The following TEX14 variants were observed in gnomAD, a reference collection of about 807,000 sequenced individuals.
TEX14 encodes inactive serine/threonine-protein kinase TEX14.
In TEX14, 168 loss-of-function variants were observed where a neutral mutation model predicts 178.6. That is an observed-to-expected ratio of 0.94 (90% confidence interval 0.83 to 1.07). TEX14 has a LOEUF of 1.07. Among genes scored for constraint, TEX14 ranks in the 50% least tolerant of loss-of-function variants. The pLI is 0.00. For missense variants in TEX14, 1,730 were observed against 1,753.6 expected (o/e 0.99, Z 0.24); for synonymous variants, 626 against 634.1 (o/e 0.99, Z 0.19).
intron 28 of TEX14, among the ~76,000 whole-genome samples, chr17:58,562,290 G>C (rs2044288684): frequency 6.6e-6 from 1 of 152,140 alleles, no homozygotes; most frequent in Non-Finnish European, 1.5e-5. Context: ...GAAAAGGCTA[G>C]AAGATGCAGG....
intron 13 of TEX14, 102 bp downstream of exon 13, chr17:58,601,704 C>A: frequency 8.9e-7 from 1 of 1,121,468 alleles, no homozygotes; most frequent in Non-Finnish European, 1.3e-6. Flanking sequence ...ACAAAACAAA[C>A]AAGTTACATC....
chr17:58,632,367 T>C (rs1244915114), intron 2 of TEX14, among the ~76,000 whole-genome samples: 2 of 152,222 alleles, frequency 1.3e-5, no homozygotes, highest in African/African-American at 4.8e-5. Context: ...GGCATTGCTG[T>C]GTTTATTTTT....
intron 1 of TEX14, among the ~76,000 whole-genome samples, chr17:58,668,741 A>G (rs2047253825): frequency 6.6e-6 from 1 of 152,194 alleles, no homozygotes; most frequent in South Asian, 2.1e-4. Context: ...ACAGAAAATA[A>G]TCTGGATCAC....
chr17:58,615,497 C>A lies in TEX14; in HGVS notation c.768-152G>T, dbSNP rs893196836. On this transcript the variant is annotated intron_variant, in intron 7 of 31. Transcript: ENST00000349033. ...ACTACTGGGTCCTCTCTCCCACTAC[C>A]CACCCCCAGGTACTAAAGCACCCTG... 9.6e-6 allele frequency: 6 copies of A among 626,872 alleles called. No homozygotes were observed. The African/African-American group carries it at 1.1e-4, about 12-fold the overall frequency. The allele number at this position is 626,872 out of a possible 1,614,324, so 38.8% of individuals were successfully genotyped here.
chr17:58,565,865 TTGCGTGTCC>T lies in TEX14; in HGVS notation c.3887-50_3887-42del, dbSNP rs1297230359. ...AGCCAAAGGAAACTTATTTCCTCCCTTGCGTGTCCTGCCGTTCTCTAGAGCAGTGGTTCT... is the reference window on the plus strand; with the variant it reads ...AGCCAAAGGAAACTTATTTCCTCCCTTGCCGTTCTCTAGAGCAGTGGTTCT... On this transcript the variant is annotated intron_variant, in intron 26 of 31. Coordinates refer to ENST00000349033, the MANE Select transcript of TEX14 (RefSeq NM_031272.5). The T allele has an allele frequency of 2.0e-6, 3 of 1,500,232 alleles. No homozygotes were observed. In the East Asian group the frequency reaches 7.0e-5, roughly 35 times the overall value. 92.9% of individuals were successfully genotyped at this position (1,500,232 alleles called of 1,614,324 possible). A position where few individuals can be genotyped will look rare whatever the true frequency, so the allele number is the denominator to read the frequency against.
At chr17:58,617,072 G>A (rs1298699868) in intron 6 of TEX14, among the ~76,000 whole-genome samples, 2 of 151,880 alleles carry the variant, frequency 1.3e-5, no homozygotes, top group Non-Finnish European at 2.9e-5. Flanking sequence ...GCAACATGGC[G>A]AAATCCCATC....
intron 2 of TEX14, among the ~76,000 whole-genome samples, chr17:58,632,675 A>ACGCACCTAGGT (rs1197774301): frequency 6.6e-6 from 1 of 152,216 alleles, no homozygotes; most frequent in East Asian, 1.9e-4. Flanking sequence ...CGCACAGCTC[A>ACGCACCTAGGT]CGCACCTAGG....
chr17:58,578,467 C>T (rs1042628812), intron 20 of TEX14, among the ~76,000 whole-genome samples: 6 of 151,994 alleles, frequency 3.9e-5, no homozygotes, highest in Non-Finnish European at 8.8e-5. Flanking sequence ...CATCCTGTAC[C>T]CCTGTTGTGT....
chr17:58,599,670 T>C lies in TEX14; in HGVS notation c.1679-4A>G. 2 of 1,602,974 alleles carry C rather than the reference T, an allele frequency of 1.2e-6. No homozygotes were observed. The highest frequency in any genetic ancestry group is 1.7e-6 in the Non-Finnish European group (2 of 1,175,364). On this transcript the variant is annotated splice_region_variant and splice_polypyrimidine_tract_variant and intron_variant, in intron 13 of 31. Coordinates refer to ENST00000349033, the MANE Select transcript of TEX14 (RefSeq NM_031272.5). ...CTTGGTGAATGAGGTTGACTGCCTA[T>C]TGAAAAAAACAGCAAAATGCAACTC...
chr17:58,571,650 G>C (rs2044532754), intron 24 of TEX14, among the ~76,000 whole-genome samples: 1 of 152,146 alleles, frequency 6.6e-6, no homozygotes, highest in Non-Finnish European at 1.5e-5. Context: ...ATATGATTAA[G>C]TGTTTTTCCT....
rs1169044949 is a variant in TEX14, at chr17:58,569,403, A to C, written c.3818-143T>G. 1 of 649,826 alleles carries C rather than the reference A, an allele frequency of 1.5e-6. No individual in the cohort carries two copies. Among genetic ancestry groups the C allele is most frequent in the Admixed American group, 2.6e-5 (1 of 38,478 alleles). 40.3% of individuals were successfully genotyped at this position (649,826 alleles called of 1,614,324 possible). ...TAAGGAGGAAGGAAGCCTCTTACAT[A>C]ATAGTTCCAGTAGAGACCTCCTAAC... is the stretch of plus-strand genomic sequence containing the variant. On this transcript the variant is annotated intron_variant, in intron 25 of 31. Coordinates refer to ENST00000349033, the MANE Select transcript of TEX14 (RefSeq NM_031272.5). This position sits in a 1 kb window ranked among gnomAD's most constrained non-coding sequence, Gnocchi z 4.1.
chr17:58,663,371 G>A (rs1178413883), intron 1 of TEX14, among the ~76,000 whole-genome samples: 3 of 143,002 alleles, frequency 2.1e-5, no homozygotes, highest in Non-Finnish European at 3.0e-5. Flanking sequence ...GCAGTAAGCC[G>A]AGATCACACC....
chr17:58,629,642 T>C (rs1216185610), intron 3 of TEX14, among the ~76,000 whole-genome samples: 1 of 151,498 alleles, frequency 6.6e-6, no homozygotes, highest in Non-Finnish European at 1.5e-5. Context: ...GAGACCAACC[T>C]GGCTAGCATC....
chr17:58,578,939 G>A (rs1444691699), intron 20 of TEX14, among the ~76,000 whole-genome samples: 5 of 152,222 alleles, frequency 3.3e-5, no homozygotes, highest in African/African-American at 1.2e-4. Context: ...ACCATGGATA[G>A]CTACACAGGT....
intron 14 of TEX14, among the ~76,000 whole-genome samples, chr17:58,598,311 T>C (rs1167410927): frequency 1.5e-5 from 2 of 136,034 alleles, no homozygotes; most frequent in Admixed American, 1.5e-4. Flanking sequence ...CAAAACTCTG[T>C]CTCCAAAAAA....
chr17:58,672,601 TG>T (rs2047321579), intron 1 of TEX14, among the ~76,000 whole-genome samples: 1 of 152,080 alleles, frequency 6.6e-6, no homozygotes, highest in Admixed American at 6.6e-5. Context: ...GCCCAGCTAA[TG>T]TTTTTTTATT....
At chr17:58,684,725 G>A (rs2047563309) in intron 1 of TEX14, among the ~76,000 whole-genome samples, 1 of 151,872 alleles carries the variant, frequency 6.6e-6, no homozygotes, top group African/African-American at 2.4e-5. Context: ...AACTCATATA[G>A]ATTAATAGGG....
intron 2 of TEX14, among the ~76,000 whole-genome samples, chr17:58,639,833 A>G (rs1169097512): frequency 2.6e-5 from 4 of 152,212 alleles, no homozygotes; most frequent in African/African-American, 9.6e-5. Flanking sequence ...TCAGGTCACC[A>G]TGACCGTGGC....
chr17:58,637,559 A>C (rs981863365), intron 2 of TEX14, among the ~76,000 whole-genome samples: 6 of 152,182 alleles, frequency 3.9e-5, no homozygotes, highest in Non-Finnish European at 8.8e-5. Flanking sequence ...AAAAACCCAA[A>C]AGGACTGGGT....
Sources: allele counts gnomAD v4.1 joint callset (sites outside exome capture counted in the v4.1 genomes callset), GRCh38; gene constraint gnomAD v4.1.1; non-coding constraint Gnocchi (gnomAD v3.1); transcripts MANE v1.5; gene names NCBI Gene and HGNC (gene_info 2026-07-23, HGNC 2026-07-21).